Variants in ROBO1 observed in about 807,000 individuals in gnomAD.
ROBO1 encodes roundabout homolog 1.
Under a neutral mutation model 195.9 loss-of-function variants are expected in ROBO1, and 149 were observed. That is an observed-to-expected ratio of 0.76 (90% CI 0.67 to 0.87). The LOEUF (loss-of-function observed/expected upper bound fraction) is 0.87, where lower values mean the gene tolerates loss of function less well. ROBO1 is among the 40% of genes least tolerant of loss of function. The pLI, the probability that ROBO1 is intolerant of heterozygous loss-of-function variation, is 0.00. For missense variants in ROBO1, 1,933 were observed against 2,068.3 expected (o/e 0.93, Z 1.27); for synonymous variants, 816 against 733.2 (o/e 1.11, Z -1.82).
At chr3:78,790,805 C>T (rs2083996074) in intron 4 of ROBO1, among the ~76,000 whole-genome samples, 1 of 152,170 alleles carries the variant, frequency 6.6e-6, no homozygotes, top group Non-Finnish European at 1.5e-5. Flanking sequence ...TCACATTTTG[C>T]ATTTGATTCC....
chr3:79,641,558 A>C (rs1208382814), intron 1 of ROBO1, among the ~76,000 whole-genome samples: 2 of 151,722 alleles, frequency 1.3e-5, no homozygotes, highest in Non-Finnish European at 2.9e-5. Context: ...AAAAATAAAT[A>C]ATAAATAAAA....
intron 2 of ROBO1, among the ~76,000 whole-genome samples, chr3:79,430,579 T>C (rs2038637315): frequency 6.6e-6 from 1 of 152,160 alleles, no homozygotes; most frequent in South Asian, 2.1e-4. Context: ...GAAGGAATGC[T>C]AGAGTTGTAC....
intron 3 of ROBO1, among the ~76,000 whole-genome samples, chr3:79,007,917 T>C (rs2077664905): frequency 6.6e-6 from 1 of 152,174 alleles, no homozygotes; most frequent in African/African-American, 2.4e-5. Flanking sequence ...ATGAGATTAT[T>C]AAATAATGCT....
chr3:78,683,569 A>G (rs1272401066), intron 10 of ROBO1, among the ~76,000 whole-genome samples: 4 of 152,018 alleles, frequency 2.6e-5, no homozygotes, highest in Non-Finnish European at 1.5e-5. Context: ...GCTCATACCT[A>G]TAATCCTAGC....
intron 3 of ROBO1, among the ~76,000 whole-genome samples, chr3:79,108,057 C>T (rs1270235624): frequency 6.6e-6 from 1 of 151,690 alleles, no homozygotes; most frequent in African/African-American, 2.4e-5. Context: ...TCTGTTTAAG[C>T]AATCACTAAT....
intron 3 of ROBO1, among the ~76,000 whole-genome samples, chr3:79,122,028 A>T (rs1367735734): frequency 6.6e-6 from 1 of 151,974 alleles, no homozygotes; most frequent in Non-Finnish European, 1.5e-5. Flanking sequence ...TTTATTACTT[A>T]ATTTTTTTAT....
chr3:78,764,513 T>C (rs1167557910), intron 4 of ROBO1, among the ~76,000 whole-genome samples: 1 of 152,178 alleles, frequency 6.6e-6, no homozygotes, highest in Non-Finnish European at 1.5e-5. Context: ...GGAAAGTCTT[T>C]GGCAGCCACA....
chr3:78,896,595 GCTGACT>G lies in ROBO1; in HGVS notation c.499+42000_499+42005del, dbSNP rs561886082. Among the ~76,000 whole-genome samples the G allele has an allele frequency of 3.8e-3, 518 of 137,592 alleles. 3 individuals carry two copies. The highest frequency in any genetic ancestry group is 0.017 in the Middle Eastern group (4 of 230). 90.3% of individuals were successfully genotyped at this position (137,592 alleles called of 152,430 possible). A position where few individuals can be genotyped will look rare whatever the true frequency, so the allele number is the denominator to read the frequency against. On this transcript the variant is annotated intron_variant, in intron 4 of 30. Coordinates refer to ENST00000464233, the MANE Select transcript of ROBO1 (RefSeq NM_002941.4). ...ACTAACGATAATCCCACTACCCTTT[GCTGACT>G]CTCTTTTCGGACTCAGCCCGCCTGC...
chr3:79,721,202 A>C (rs1702685692), intron 1 of ROBO1, among the ~76,000 whole-genome samples: 1 of 152,208 alleles, frequency 6.6e-6, no homozygotes, highest in South Asian at 2.1e-4. Flanking sequence ...GTGGATGCCA[A>C]GTGAAGAACC....
At chr3:78,707,802 C>T (rs927810588) in intron 8 of ROBO1, among the ~76,000 whole-genome samples, 3 of 152,124 alleles carry the variant, frequency 2.0e-5, no homozygotes, top group Non-Finnish European at 4.4e-5. Context: ...CTAAACATAC[C>T]ACTTCCTGTG....
chr3:79,172,313 C>A (rs1375056083), intron 2 of ROBO1, among the ~76,000 whole-genome samples: 1 of 152,132 alleles, frequency 6.6e-6, no homozygotes, highest in Non-Finnish European at 1.5e-5. Flanking sequence ...ACTATAAATG[C>A]ATACAAACAA....
At chr3:79,585,863 TAAA>T in intron 2 of ROBO1, among the ~76,000 whole-genome samples, 1 of 152,094 alleles carries the variant, frequency 6.6e-6, no homozygotes, top group East Asian at 1.9e-4. Flanking sequence ...TCAGTGCAGT[TAAA>T]AAATTGAACT....
chr3:78,849,790 G>A (rs2033921415), intron 4 of ROBO1, among the ~76,000 whole-genome samples: 1 of 147,868 alleles, frequency 6.8e-6, no homozygotes, highest in African/African-American at 2.5e-5. Flanking sequence ...ACTAGAATAG[G>A]CCTTTCATGT....
chr3:79,673,362 G>A (rs79651408), intron 1 of ROBO1, among the ~76,000 whole-genome samples: 26 of 151,862 alleles, frequency 1.7e-4, no homozygotes, highest in African/African-American at 4.3e-4. Flanking sequence ...TTTTTAGATC[G>A]TAACCAGTAA....
chr3:79,054,834 A>G (rs2078772711), intron 3 of ROBO1, among the ~76,000 whole-genome samples: 1 of 152,092 alleles, frequency 6.6e-6, no homozygotes, highest in Non-Finnish European at 1.5e-5. Context: ...CCCAGGCCCC[A>G]ATATCAAACG....
At chr3:79,017,477 G>A (rs182706134) in intron 3 of ROBO1, among the ~76,000 whole-genome samples, 89 of 151,376 alleles carry the variant, frequency 5.9e-4, no homozygotes, top group Admixed American at 1.9e-3. Context: ...GTGTGTGTGT[G>A]TGTGTGTGTG....
At chr3:79,295,035 T>C (rs1417987190) in intron 2 of ROBO1, among the ~76,000 whole-genome samples, 3 of 152,038 alleles carry the variant, frequency 2.0e-5, no homozygotes, top group Admixed American at 6.5e-5. Context: ...TGGAAGACAG[T>C]GTGGTAATTC....
intron 3 of ROBO1, among the ~76,000 whole-genome samples, chr3:79,017,450 AGTGTGTGTGTGTGTGTGTGTGTGTGTGT>A (rs60522056): frequency 4.5e-5 from 6 of 133,432 alleles, no homozygotes; most frequent in Non-Finnish European, 9.6e-5. Context: ...TCCGAGGTGC[AGTGTGTGTGTGTGTGTGTGTGTGTGTGT>A]GTGTGTGTGT....
chr3:78,874,558 A>G (rs1056979089), intron 4 of ROBO1, among the ~76,000 whole-genome samples: 4 of 151,906 alleles, frequency 2.6e-5, no homozygotes, highest in African/African-American at 9.7e-5. Context: ...TGCAGGGGCA[A>G]ATAAATCTTT....
Sources: allele counts gnomAD v4.1 joint callset (sites outside exome capture counted in the v4.1 genomes callset), GRCh38; gene constraint gnomAD v4.1.1; transcripts MANE v1.5; gene names NCBI Gene and HGNC (gene_info 2026-07-23, HGNC 2026-07-21).